NAV2: variants seen among roughly 807,000 people sequenced by gnomAD.
NAV2 encodes the protein helicase, APC down-regulated 1.
In NAV2, 54 loss-of-function variants were observed where a neutral mutation model predicts 223.2. That is an observed-to-expected ratio of 0.24 (90% CI 0.19 to 0.30). The LOEUF (loss-of-function observed/expected upper bound fraction) is 0.30, where lower values mean the gene tolerates loss of function less well. Ranked by LOEUF, NAV2 falls within the 10% of genes least tolerant of loss-of-function variation. NAV2 has a pLI of 1.00. For synonymous variants in NAV2, 1,279 were observed against 1,239.3 expected (o/e 1.03, Z -0.67); for missense variants, 2,806 against 3,147.5 (o/e 0.89, Z 2.60).
At chr11:19,549,846 C>T (rs1156346540) in intron 1 of NAV2, among the ~76,000 whole-genome samples, 1 of 152,256 alleles carries the variant, frequency 6.6e-6, no homozygotes, top group Non-Finnish European at 1.5e-5. Flanking sequence ...ATGACAAGAA[C>T]GTTAGTCTGG....
intron 1 of NAV2, among the ~76,000 whole-genome samples, chr11:19,641,822 ACT>A (rs1590020512): frequency 6.6e-6 from 1 of 151,020 alleles, no homozygotes; most frequent in South Asian, 2.1e-4. Flanking sequence ...GCTTCTACCC[ACT>A]CTCTTTCACA....
Position 19,593,187 on chromosome 11 carries a change from A to T in NAV2, c.76-239297A>T, listed in dbSNP as rs183091119. ...CAGCCCCTGGCAACCAACCATTAGT[A>T]TGTTTTCTATCTGCAAAATGTTGTC... On this transcript the variant is annotated intron_variant, in intron 1 of 37. Coordinates refer to the NAV2 transcript ENST00000360655. Among the ~76,000 whole-genome samples the T allele has an allele frequency of 8.5e-5, 13 of 152,102 alleles. No individual in the cohort carries two copies. The East Asian group carries it at 2.3e-3, about 27-fold the overall frequency.
chr11:19,741,714 T>TC (rs2052842029), intron 1 of NAV2, among the ~76,000 whole-genome samples: 1 of 106,966 alleles, frequency 9.3e-6, no homozygotes. Flanking sequence ...TATATATATA[T>TC]ATATATATAT....
intron 1 of NAV2, among the ~76,000 whole-genome samples, chr11:19,764,722 T>G (rs935655008): frequency 6.6e-6 from 1 of 152,196 alleles, no homozygotes; most frequent in African/African-American, 2.4e-5. Context: ...CTTGCATGAA[T>G]GTATATATAA....
intron 10 of NAV2, among the ~76,000 whole-genome samples, chr11:19,967,203 G>A (rs1478140256): frequency 6.6e-6 from 1 of 152,080 alleles, no homozygotes; most frequent in Non-Finnish European, 1.5e-5. Flanking sequence ...TATTCTCTTG[G>A]TGCTGCCGCC....
intron 1 of NAV2, among the ~76,000 whole-genome samples, chr11:19,760,276 T>C (rs1358864705): frequency 6.6e-6 from 1 of 152,110 alleles, no homozygotes; most frequent in South Asian, 2.1e-4. Flanking sequence ...ACCCTGTCCT[T>C]TACCCCATTC....
intron 6 of NAV2, among the ~76,000 whole-genome samples, chr11:19,914,499 G>GCAATA (rs1308773347): frequency 2.0e-5 from 3 of 151,906 alleles, no homozygotes; most frequent in Admixed American, 2.0e-4. Flanking sequence ...TTATACGATT[G>GCAATA]CAATACAAAC....
At chr11:19,479,420 G>A (rs1382830891) in intron 1 of NAV2, among the ~76,000 whole-genome samples, 2 of 152,178 alleles carry the variant, frequency 1.3e-5, no homozygotes, top group African/African-American at 4.8e-5. Flanking sequence ...ACCATGAGCA[G>A]TTATTGAGTA....
chr11:20,091,564 C>T (rs2060853604), intron 27 of NAV2, among the ~76,000 whole-genome samples: 2 of 152,198 alleles, frequency 1.3e-5, no homozygotes, highest in African/African-American at 4.8e-5. Context: ...TACAGCCCCT[C>T]CCACCTTCTG....
At chr11:19,615,136 G>A (rs1211931356) in intron 1 of NAV2, among the ~76,000 whole-genome samples, 1 of 151,924 alleles carries the variant, frequency 6.6e-6, no homozygotes, top group Non-Finnish European at 1.5e-5. Context: ...TACTCAGGCT[G>A]ACTTCCAACA....
chr11:19,418,792 T>C (rs979135999), intron 1 of NAV2, among the ~76,000 whole-genome samples: 32 of 152,286 alleles, frequency 2.1e-4, no homozygotes, highest in African/African-American at 7.5e-4. Context: ...GGTGTTGTGA[T>C]CAGAGTTGCA....
At chr11:19,657,720 C>T (rs1021227805) in intron 1 of NAV2, among the ~76,000 whole-genome samples, 3 of 152,180 alleles carry the variant, frequency 2.0e-5, no homozygotes, top group Admixed American at 1.3e-4. Flanking sequence ...ATCTACTGCT[C>T]TGCGGCTCCA....
At chr11:19,636,247 G>A (rs1242567519) in intron 1 of NAV2, among the ~76,000 whole-genome samples, 1 of 152,150 alleles carries the variant, frequency 6.6e-6, no homozygotes, top group Non-Finnish European at 1.5e-5. Flanking sequence ...TCCCCCTAGA[G>A]AAGCAATGAC....
chr11:19,848,610 T>C (rs981884137), intron 3 of NAV2, among the ~76,000 whole-genome samples: 1 of 152,190 alleles, frequency 6.6e-6, no homozygotes, highest in African/African-American at 2.4e-5. Context: ...ACAGAGGTAG[T>C]AACAGTATTT....
At chr11:19,808,771 T>C (rs2058709102) in intron 1 of NAV2, among the ~76,000 whole-genome samples, 1 of 152,352 alleles carries the variant, frequency 6.6e-6, no homozygotes, top group East Asian at 1.9e-4. Flanking sequence ...GATATTTTTT[T>C]CCCCTTAGAA....
chr11:19,839,940 T>C (rs1404635830), intron 2 of NAV2, among the ~76,000 whole-genome samples: 1 of 152,218 alleles, frequency 6.6e-6, no homozygotes, highest in African/African-American at 2.4e-5. Context: ...TTATCTGCTT[T>C]TGGGATGCAG....
intron 3 of NAV2, among the ~76,000 whole-genome samples, chr11:19,860,609 C>T: frequency 5.3e-5 from 8 of 150,362 alleles, no homozygotes; most frequent in Non-Finnish European, 8.9e-5. Context: ...CAGAGACGCT[C>T]CTCACTTCCC....
At chr11:19,403,941 G>A (rs11025121) in intron 1 of NAV2, among the ~76,000 whole-genome samples, 124,161 of 151,592 alleles carry the variant, frequency 0.82, 51,601 homozygotes, top group Non-Finnish European at 0.9. Flanking sequence ...GGCTCTTACG[G>A]GGACCATGGT....
chr11:19,536,698 C>A (rs1036554843), intron 1 of NAV2, among the ~76,000 whole-genome samples: 1 of 152,198 alleles, frequency 6.6e-6, no homozygotes, highest in Non-Finnish European at 1.5e-5. Context: ...AACTGGTGGG[C>A]AGACTCCAAA....
Sources: allele counts gnomAD v4.1 joint callset (sites outside exome capture counted in the v4.1 genomes callset), GRCh38; gene constraint gnomAD v4.1.1; transcripts MANE v1.5; gene names NCBI Gene and HGNC (gene_info 2026-07-23, HGNC 2026-07-21).